The following ZDHHC21 variants were observed in gnomAD, a reference collection of about 807,000 sequenced individuals.
ZDHHC21 encodes the protein zDHHC palmitoyltransferase 21.
ZDHHC21 carries 15 observed loss-of-function variants against 34.6 expected under a neutral mutation model. The observed-to-expected ratio is 0.43, with a 90% CI of 0.29 to 0.67. ZDHHC21 has a LOEUF of 0.67. Ranked by LOEUF, ZDHHC21 falls within the 30% of genes least tolerant of loss-of-function variation. The pLI, the probability that ZDHHC21 is intolerant of heterozygous loss-of-function variation, is 0.14. For missense variants in ZDHHC21, 344 were observed against 327.7 expected, an observed-to-expected ratio of 1.05 and a Z score of -0.38; for synonymous variants, 142 against 101.8, an observed-to-expected ratio of 1.40 and a Z score of -2.38.
At chr9:14,661,665 C>A (rs1402320832) in intron 6 of ZDHHC21, among the ~76,000 whole-genome samples, 2 of 152,276 alleles carry the variant, frequency 1.3e-5, no homozygotes, top group Admixed American at 1.3e-4. Context: ...CCCCTATTGA[C>A]CAAAACTGTT....
the ZDHHC21 span, chr9:14,594,239 T>C: frequency 6.6e-6 from 1 of 152,226 alleles, no homozygotes; most frequent in East Asian, 1.9e-4. Context: ...AAAATTCATA[T>C]GAAAATACAA....
intron 7 of ZDHHC21, among the ~76,000 whole-genome samples, chr9:14,647,873 A>G (rs1462966694): frequency 6.6e-6 from 1 of 152,092 alleles, no homozygotes; most frequent in African/African-American, 2.4e-5. Context: ...ATGTCTTTAA[A>G]TATCATCTTT....
intron 8 of ZDHHC21, among the ~76,000 whole-genome samples, chr9:14,628,328 C>G (rs1207932369): frequency 6.6e-6 from 1 of 152,096 alleles, no homozygotes; most frequent in Non-Finnish European, 1.5e-5. Flanking sequence ...TGTTATCTTT[C>G]ACTATCAACA....
At chr9:14,662,011 TCTCC>T (rs79617435) in intron 6 of ZDHHC21, among the ~76,000 whole-genome samples, 200 bp downstream of exon 6, 32,704 of 151,934 alleles carry the variant, frequency 0.22, 3,776 homozygotes, top group South Asian at 0.35. Context: ...GGCTCAAATC[TCTCC>T]CTGTTAGAAA....
intron 4 of ZDHHC21, among the ~76,000 whole-genome samples, chr9:14,673,194 A>G (rs1306339231): frequency 6.6e-6 from 1 of 152,000 alleles, no homozygotes; most frequent in Non-Finnish European, 1.5e-5. Context: ...AGATCCCTTA[A>G]TAACAGGGAC....
chr9:14,591,979 C>T, the ZDHHC21 span, among the ~76,000 whole-genome samples: 1 of 152,128 alleles, frequency 6.6e-6, no homozygotes, highest in African/African-American at 2.4e-5. Flanking sequence ...ATAGTTGGAT[C>T]TTGCTTTTTA....
Position 14,662,250 on chromosome 9 carries a change from G to C in ZDHHC21, c.330C>G (p.Gly110=). The change falls in exon 6 of 10, where the codon GGC becomes GGG. Residue 110 remains glycine (G), a synonymous_variant. Transcript: ENST00000380916. ...GATGATCCATTCTCCTCACACAGTG[G>C]CCGCAGCGGCTACAGTGATGGGAAC... ...PKRSHHCSRC[G]HCVRRMDHHC... 6.2e-7 allele frequency: 1 copy of C among 1,612,810 alleles called. No individual in the cohort carries two copies. Among genetic ancestry groups the C allele is most frequent in the South Asian group, 1.1e-5 (1 of 90,870 alleles).
intron 1 of ZDHHC21, among the ~76,000 whole-genome samples, chr9:14,690,595 G>C (rs1179597256): frequency 1.3e-5 from 2 of 152,234 alleles, no homozygotes; most frequent in South Asian, 2.1e-4. Context: ...ATAGCACAGA[G>C]GAAAAAGCAG....
chr9:14,591,586 T>G, the ZDHHC21 span, among the ~76,000 whole-genome samples: 5 of 152,176 alleles, frequency 3.3e-5, no homozygotes, highest in South Asian at 2.1e-4. Context: ...ACAATTATCA[T>G]GAAGTTATAT....
intron 2 of ZDHHC21, among the ~76,000 whole-genome samples, chr9:14,686,739 G>A (rs144644239): frequency 0.018 from 2,671 of 148,226 alleles, 123 homozygotes; most frequent in African/African-American, 0.068. Flanking sequence ...TTGGGAGGCC[G>A]AGGTGGGAGG....
At chr9:14,657,497 AG>A (rs1435591969) in intron 7 of ZDHHC21, among the ~76,000 whole-genome samples, 1 of 69,248 alleles carries the variant, frequency 1.4e-5, no homozygotes. Flanking sequence ...CCACTACCAG[AG>A]GCTGGCAAAG....
At chr9:14,604,643 T>A in the ZDHHC21 span, among the ~76,000 whole-genome samples, 1 of 152,202 alleles carries the variant, frequency 6.6e-6, no homozygotes, top group Non-Finnish European at 1.5e-5. Flanking sequence ...TATTTTTAAT[T>A]ACACAAATTT....
chr9:14,664,075 T>G (rs1231322132), intron 5 of ZDHHC21, among the ~76,000 whole-genome samples: 1 of 152,062 alleles, frequency 6.6e-6, no homozygotes, highest in Non-Finnish European at 1.5e-5. Context: ...GACGGGTGAT[T>G]TCTGCATTTC....
chr9:14,619,447 T>A (rs1824870836), intron 9 of ZDHHC21, among the ~76,000 whole-genome samples, 192 bp downstream of exon 9: 1 of 152,100 alleles, frequency 6.6e-6, no homozygotes, highest in African/African-American at 2.4e-5. Context: ...GATCAGCATT[T>A]TAGTGTGAAA....
intron 6 of ZDHHC21, among the ~76,000 whole-genome samples, chr9:14,659,676 G>A (rs910509074): frequency 2.6e-5 from 4 of 152,094 alleles, no homozygotes; most frequent in African/African-American, 9.7e-5. Context: ...AAAAAGAAAC[G>A]ATGTAACAGG....
the ZDHHC21 span, among the ~76,000 whole-genome samples, chr9:14,592,001 A>G: frequency 2.0e-5 from 3 of 152,026 alleles, no homozygotes; most frequent in African/African-American, 7.2e-5. Context: ...ACAGTCTGAA[A>G]ATGTTTGCCT....
In ZDHHC21 at chr9:14,683,265, T is replaced by C. The variant is rs570437801; in HGVS notation, c.-175-3103A>G. On this transcript the variant is annotated intron_variant, in intron 2 of 9. Coordinates refer to ENST00000380916, the MANE Select transcript of ZDHHC21 (RefSeq NM_178566.6). ...ATCCAGGAGCTGGTTTTTTATTTTTTATTTTTGAAAAGATCAACAAAATTG... is the reference window on the plus strand; with the variant it reads ...ATCCAGGAGCTGGTTTTTTATTTTTCATTTTTGAAAAGATCAACAAAATTG... 7.2e-5 allele frequency among the ~76,000 whole-genome samples: 11 copies of C among 151,960 alleles called. No individual in the cohort carries two copies. The South Asian group carries it at 2.3e-3, about 32-fold the overall frequency.
intron 5 of ZDHHC21, among the ~76,000 whole-genome samples, chr9:14,663,922 A>C (rs10114824): frequency 0.26 from 39,194 of 152,110 alleles, 5,581 homozygotes; most frequent in East Asian, 0.35. Flanking sequence ...TTACAATGTC[A>C]CAAGCATATC....
intron 6 of ZDHHC21, among the ~76,000 whole-genome samples, chr9:14,660,099 C>T (rs1833069234): frequency 6.6e-6 from 1 of 151,992 alleles, no homozygotes; most frequent in Admixed American, 6.5e-5. Flanking sequence ...GGCGCGGTGA[C>T]TCAAGCCTGT....
Sources: gnomAD v4.1 joint callset for allele counts (sites outside exome capture counted in the v4.1 genomes callset) on GRCh38, gnomAD v4.1.1 for gene constraint, MANE v1.5 for transcripts, NCBI Gene and HGNC (gene_info 2026-07-23, HGNC 2026-07-21) for gene names.